The following KDM7A variants were observed in gnomAD, a reference collection of about 807,000 sequenced individuals.
KDM7A encodes the protein lysine-specific demethylase 7A.
A neutral mutation model predicts 114.8 loss-of-function variants in KDM7A; 28 were observed. The observed-to-expected ratio is 0.24, with a 90% CI of 0.18 to 0.33. The LOEUF is 0.33. KDM7A is among the 10% of genes least tolerant of loss of function. The pLI, the probability that KDM7A is intolerant of heterozygous loss-of-function variation, is 1.00. For missense variants in KDM7A, 942 were observed against 1,142.5 expected, an observed-to-expected ratio of 0.82 and a Z score of 2.53; for synonymous variants, 423 against 397.8, an observed-to-expected ratio of 1.06 and a Z score of -0.75.
chr7:140,130,544 C>T (rs1014378485), intron 3 of KDM7A, among the ~76,000 whole-genome samples: 1 of 151,862 alleles, frequency 6.6e-6, no homozygotes, highest in Non-Finnish European at 1.5e-5. Context: ...TCGCTTGAAC[C>T]TGGGAGACGG....
intron 9 of KDM7A, among the ~76,000 whole-genome samples, chr7:140,116,211 G>T (rs2116782587): frequency 6.6e-6 from 1 of 152,262 alleles, no homozygotes; most frequent in South Asian, 2.1e-4. Flanking sequence ...TTCCGTAATT[G>T]TCAAAAACCA....
intron 1 of KDM7A, among the ~76,000 whole-genome samples, chr7:140,140,795 T>C (rs1004853468): frequency 2.0e-5 from 3 of 151,846 alleles, no homozygotes; most frequent in East Asian, 1.9e-4. Flanking sequence ...CTGAATACTA[T>C]TCAGTGTTCT....
chr7:140,108,315 G>A lies in KDM7A; in HGVS notation c.1428+2780C>T, dbSNP rs184619957. On this transcript the variant is annotated intron_variant, in intron 11 of 19. Transcript: ENST00000397560. ...GTCATTCTCCGTCCAGCTTCGTTCC[G>A]TTGCTGACGAGAAGCTGCGTTCCTC... is the stretch of plus-strand genomic sequence containing the variant. 5.9e-4 allele frequency among the ~76,000 whole-genome samples: 90 copies of A among 152,230 alleles called. 1 individual carries two copies. The highest frequency in any genetic ancestry group is 5.0e-4 in the Non-Finnish European group (34 of 68,030).
intron 11 of KDM7A, among the ~76,000 whole-genome samples, chr7:140,105,883 C>G (rs1466542343): frequency 6.6e-6 from 1 of 152,140 alleles, no homozygotes; most frequent in Non-Finnish European, 1.5e-5. Flanking sequence ...CTTCTTTGTA[C>G]CTCTGGTAGA....
intron 11 of KDM7A, among the ~76,000 whole-genome samples, chr7:140,106,646 G>A (rs1415091726): frequency 1.3e-5 from 2 of 152,172 alleles, no homozygotes; most frequent in African/African-American, 4.8e-5. Flanking sequence ...ACTGTGGTCT[G>A]AGAGACAGTT....
At chr7:140,145,593 G>T (rs1330818422) in intron 1 of KDM7A, among the ~76,000 whole-genome samples, 1 of 152,120 alleles carries the variant, frequency 6.6e-6, no homozygotes, top group Non-Finnish European at 1.5e-5. Flanking sequence ...AATAAAACAA[G>T]TTCAAAACCA....
At chr7:140,116,633 G>A (rs962870332) in intron 9 of KDM7A, among the ~76,000 whole-genome samples, 9 of 151,430 alleles carry the variant, frequency 5.9e-5, no homozygotes, top group African/African-American at 1.7e-4. Context: ...TTCTTTACAC[G>A]GTATGAATGT....
chr7:140,127,002 T>C (rs548677027), intron 5 of KDM7A, among the ~76,000 whole-genome samples, 179 bp from the exon 6 acceptor site: 1 of 152,330 alleles, frequency 6.6e-6, no homozygotes, highest in South Asian at 2.1e-4. Context: ...CTCTGTCGCC[T>C]AGGCTAGAGT....
Position 140,087,733 on chromosome 7 carries a change from T to C in KDM7A, c.*3361A>G, listed in dbSNP as rs1585133071. On this transcript the variant is annotated 3_prime_UTR_variant, in exon 20 of 20. Transcript: ENST00000397560. ...AGCCCAGGTCTTCTGCTTCCTTGCA[T>C]GCTACACCAAGTCCCTGTATGACCA... The C allele has an allele frequency of 6.6e-6, 1 of 152,236 alleles. No homozygotes were observed. Among genetic ancestry groups the C allele is most frequent in the Non-Finnish European group, 1.5e-5 (1 of 68,030 alleles). 9.4% of individuals were successfully genotyped at this position (152,236 alleles called of 1,614,324 possible).
At chr7:140,115,061 C>T (rs1374955872) in intron 9 of KDM7A, among the ~76,000 whole-genome samples, 10 of 151,490 alleles carry the variant, frequency 6.6e-5, no homozygotes, top group East Asian at 2.0e-4. Context: ...CTCGGCCAGC[C>T]GCCCCATCCG....
chr7:140,130,442 G>A (rs2116807690), intron 3 of KDM7A, among the ~76,000 whole-genome samples: 1 of 152,084 alleles, frequency 6.6e-6, no homozygotes, highest in South Asian at 2.1e-4. Flanking sequence ...CCAACATGGT[G>A]AAACCTCGTC....
Position 140,127,561 on chromosome 7 carries a change from G to A in KDM7A, c.582C>T (p.Val194=), listed in dbSNP as rs776553286. 7.4e-6 allele frequency: 12 copies of A among 1,613,780 alleles called. No homozygotes were observed. The highest frequency in any genetic ancestry group is 8.5e-6 in the Non-Finnish European group (10 of 1,179,888). ...TGTCTGCCTGCCTCGCCACATCAAT[G>A]ACATCTATCACTTTGTCACCACCTG... The part of the protein sequence containing the change: ...RYVGGDKVID[V]IDVARQADSK... The change falls in exon 5 of 20, where the codon GTC becomes GTT. Residue 194 remains valine, a synonymous_variant. Coordinates refer to ENST00000397560, the MANE Select transcript of KDM7A (RefSeq NM_030647.2).
chr7:140,116,735 C>CTTCT (rs10675738), intron 9 of KDM7A, among the ~76,000 whole-genome samples: 62,954 of 151,628 alleles, frequency 0.42, 13,250 homozygotes, highest in Middle Eastern at 0.47. Context: ...ACAAAAATGT[C>CTTCT]TTGAGTTTTT....
intron 11 of KDM7A, among the ~76,000 whole-genome samples, chr7:140,104,163 A>AT (rs1328485833): frequency 6.6e-5 from 10 of 151,610 alleles, no homozygotes; most frequent in African/African-American, 1.5e-4. Flanking sequence ...GGGTTGTTTG[A>AT]TTTTTTCTCG....
At chr7:140,146,802 A>AT (rs987017350) in intron 1 of KDM7A, among the ~76,000 whole-genome samples, 2 of 152,098 alleles carry the variant, frequency 1.3e-5, no homozygotes, top group African/African-American at 4.8e-5. Flanking sequence ...CTTAGCTGGC[A>AT]TTTTTTTCTG....
Position 140,091,200 on chromosome 7 carries a change from CA to C in KDM7A, c.2732-13del. The C allele has an allele frequency of 6.4e-7, 1 of 1,565,204 alleles. No homozygotes were observed. Among genetic ancestry groups the C allele is most frequent in the Non-Finnish European group, 8.8e-7 (1 of 1,135,380 alleles). On this transcript the variant is annotated splice_polypyrimidine_tract_variant and intron_variant, in intron 19 of 19. Transcript: ENST00000397560. The stretch of plus-strand genomic sequence containing the variant: ...TTTTGGACGTTTACCTATAAAACAC[CA>C]AAAGGGAGTGTAAGTAATGATGAAA...
intron 17 of KDM7A, 125 bp downstream of exon 17, chr7:140,096,430 A>C (rs1413823750): frequency 1.3e-6 from 1 of 751,302 alleles, no homozygotes; most frequent in Non-Finnish European, 2.2e-6. Context: ...TTTTTGGTCA[A>C]CCTTCTTAAC....
rs1365522676 is a variant in KDM7A at position 140,086,353 on chromosome 7, G to A, written c.*4741C>T. 6.6e-6 allele frequency: 1 copy of A among 152,102 alleles called. No individual in the cohort carries two copies. The allele number at this position is 152,102 out of a possible 1,614,324, so 9.4% of individuals were successfully genotyped here. ...ACCAGGGGGAAGGGGAGAACCTAAG[G>A]ATATTGCAAAAGAGTATTATTTTCT... is the stretch of plus-strand genomic sequence containing the variant. On this transcript the variant is annotated 3_prime_UTR_variant, in exon 20 of 20. Transcript: ENST00000397560.
intron 1 of KDM7A, among the ~76,000 whole-genome samples, chr7:140,162,544 T>C (rs920670331): frequency 2.0e-5 from 3 of 152,190 alleles, no homozygotes; most frequent in African/African-American, 7.2e-5. Context: ...ACATTGATTT[T>C]TGTGTTAAGA....
Sources: gnomAD v4.1 joint callset for allele counts (sites outside exome capture counted in the v4.1 genomes callset) on GRCh38, gnomAD v4.1.1 for gene constraint, MANE v1.5 for transcripts, NCBI Gene and HGNC (gene_info 2026-07-23, HGNC 2026-07-21) for gene names.